The following GNB1L variants were observed in gnomAD, a reference collection of about 807,000 sequenced individuals.
GNB1L encodes guanine nucleotide-binding protein subunit beta-like protein 1.
A neutral mutation model predicts 29.1 loss-of-function variants in GNB1L; 20 were observed. That is an observed-to-expected ratio of 0.69 (90% CI 0.48 to 1.00). GNB1L has a LOEUF of 1.00. Among genes scored for constraint, GNB1L ranks in the 50% least tolerant of loss-of-function variants. The pLI is 0.00. For synonymous variants in GNB1L, 193 were observed against 206.5 expected, an observed-to-expected ratio of 0.93 and a Z score of 0.56; for missense variants, 421 against 464.9, an observed-to-expected ratio of 0.91 and a Z score of 0.87.
chr22:19,821,750 T>C (rs112317812), intron 2 of GNB1L, among the ~76,000 whole-genome samples: 14 of 152,292 alleles, frequency 9.2e-5, no homozygotes, highest in African/African-American at 3.4e-4. Flanking sequence ...ATCCAACACT[T>C]CCTCGGCCAC....
intron 4 of GNB1L, 97 bp downstream of exon 4, chr22:19,820,501 C>T (rs1274021117): frequency 2.2e-5 from 29 of 1,335,856 alleles, no homozygotes; most frequent in Non-Finnish European, 2.7e-5. Context: ...GTTCCCCCAC[C>T]CCATTCTGCC....
intron 4 of GNB1L, among the ~76,000 whole-genome samples, chr22:19,819,846 C>G (rs991216206): frequency 2.0e-4 from 30 of 152,134 alleles, no homozygotes; most frequent in African/African-American, 7.0e-4. Flanking sequence ...GGGGAGATGG[C>G]CCTCACTACC....
chr22:19,842,213 T>C (rs1184626425), intron 2 of GNB1L, among the ~76,000 whole-genome samples: 2 of 152,104 alleles, frequency 1.3e-5, no homozygotes, highest in Admixed American at 1.3e-4. Flanking sequence ...GCGACCCTGA[T>C]CTCCCAAAAA....
In GNB1L at chr22:19,790,501, G is replaced by T. The variant is rs533949857; in HGVS notation, c.733-1541C>A. Among the ~76,000 whole-genome samples the T allele has an allele frequency of 1.7e-4, 26 of 152,148 alleles. No homozygotes were observed. In the South Asian group the frequency reaches 5.4e-3, roughly 32 times the overall value. On this transcript the variant is annotated intron_variant, in intron 7 of 7. Transcript: ENST00000329517. ...ATGTTTCCTTGTATAGCTGCATAAA[G>T]TAAAAAAAAGATCTAAATATACTCA...
chr22:19,827,408 G>A, intron 2 of GNB1L, among the ~76,000 whole-genome samples: 1 of 152,118 alleles, frequency 6.6e-6, no homozygotes, highest in Non-Finnish European at 1.5e-5. Flanking sequence ...CTTTTCTGTA[G>A]ATTTAAAACC....
At chr22:19,836,192 T>C (rs2145893072) in intron 2 of GNB1L, among the ~76,000 whole-genome samples, 1 of 152,104 alleles carries the variant, frequency 6.6e-6, no homozygotes, top group Middle Eastern at 3.4e-3. Context: ...AGAGACAAAT[T>C]ATAATAATTA....
chr22:19,801,888 A>C, intron 7 of GNB1L, 113 bp downstream of exon 7: 1 of 925,706 alleles, frequency 1.1e-6, no homozygotes. Context: ...CCTCCAAGTG[A>C]TTAATTAGCC....
intron 5 of GNB1L, among the ~76,000 whole-genome samples, chr22:19,807,591 G>A (rs778350260): frequency 6.6e-6 from 1 of 152,216 alleles, no homozygotes; most frequent in Non-Finnish European, 1.5e-5. Flanking sequence ...CACTTGGAAT[G>A]AGCTACCGAT....
intron 2 of GNB1L, among the ~76,000 whole-genome samples, chr22:19,823,958 C>A (rs141585357): frequency 6.6e-6 from 1 of 152,350 alleles, no homozygotes; most frequent in Non-Finnish European, 1.5e-5. Flanking sequence ...GCGGTGCCAG[C>A]CGAAGCCCGG....
At chr22:19,814,914 C>T (rs1937519028) in intron 4 of GNB1L, among the ~76,000 whole-genome samples, 2 of 151,982 alleles carry the variant, frequency 1.3e-5, no homozygotes, top group Admixed American at 6.6e-5. Context: ...CGTGCACCTG[C>T]AGTTCCAGCT....
rs755525931 is a variant in GNB1L at position 19,821,393 on chromosome 22, GC to G, written c.-20-19del. ...GCAGTTACCTGGGCACCAAGGGAGG[GC>G]GTGTGAGTGACTGCGTCCCTATTCT... On this transcript the variant is annotated intron_variant, in intron 2 of 7. Coordinates refer to ENST00000329517, the MANE Select transcript of GNB1L (RefSeq NM_053004.3). The G allele has an allele frequency of 2.5e-6, 4 of 1,605,838 alleles. No individual in the cohort carries two copies. The highest frequency in any genetic ancestry group is 3.4e-6 in the Non-Finnish European group (4 of 1,177,560).
At chr22:19,846,928 C>G (rs1372590344) in intron 2 of GNB1L, 24 of 985,294 alleles carry the variant, frequency 2.4e-5, no homozygotes, top group Non-Finnish European at 2.5e-5. Context: ...AGGTATGTTG[C>G]CCTGGGATGG....
At chr22:19,836,746 G>A (rs1330951506) in intron 2 of GNB1L, among the ~76,000 whole-genome samples, 3 of 152,016 alleles carry the variant, frequency 2.0e-5, no homozygotes, top group Non-Finnish European at 4.4e-5. Context: ...TTTATCTCAG[G>A]AATGCAAAGC....
chr22:19,796,173 G>A (rs1407834497), intron 7 of GNB1L, among the ~76,000 whole-genome samples: 1 of 152,200 alleles, frequency 6.6e-6, no homozygotes, highest in Non-Finnish European at 1.5e-5. Flanking sequence ...GAGATGATGA[G>A]GGGGAATGAA....
intron 7 of GNB1L, among the ~76,000 whole-genome samples, chr22:19,794,374 A>G (rs1937283554): frequency 6.6e-6 from 1 of 152,220 alleles, no homozygotes; most frequent in East Asian, 1.9e-4. Context: ...CAAGGTCATC[A>G]TGTTTGTGAG....
At chr22:19,801,958 G>C (rs893165025) in intron 7 of GNB1L, 43 bp downstream of exon 7, 1 of 1,436,440 alleles carries the variant, frequency 7.0e-7, no homozygotes, top group Admixed American at 2.0e-5. Context: ...CAGACTGTTA[G>C]TGCAGAGCAG....
chr22:19,826,892 C>T (rs1178896920), intron 2 of GNB1L, among the ~76,000 whole-genome samples: 1 of 152,154 alleles, frequency 6.6e-6, no homozygotes, highest in Non-Finnish European at 1.5e-5. Context: ...ATCCAGGTTA[C>T]GAGACACTGG....
chr22:19,821,283 C>T lies in GNB1L; in HGVS notation c.73G>A (p.Ala25Thr). ...TGGGCTCCTTCGCAGAAGTGCAGCG[C>T]ATGCACCGGTGACTGGGTGCCTCGG... ...VLRGTQSPVH[A>T]LHFCEGAQAQ... The change falls in exon 3 of 8, where the codon GCG becomes ACG. Residue 25 changes from alanine to threonine, a missense_variant. Ala to Thr is a moderately conservative substitution (Grantham distance 58, BLOSUM62 0). Transcript: ENST00000329517. 2 of 1,613,524 alleles carry T rather than the reference C, an allele frequency of 1.2e-6. No homozygotes were observed. The highest frequency in any genetic ancestry group is 2.7e-5 in the African/African-American group (2 of 75,068).
intron 4 of GNB1L, among the ~76,000 whole-genome samples, chr22:19,817,517 G>A (rs189469854): frequency 2.6e-4 from 39 of 152,252 alleles, no homozygotes; most frequent in Non-Finnish European, 4.1e-4. Flanking sequence ...AGAAAACAGC[G>A]ACAGCTGACT....
Sources: allele counts gnomAD v4.1 joint callset (sites outside exome capture counted in the v4.1 genomes callset), GRCh38; gene constraint gnomAD v4.1.1; transcripts MANE v1.5; gene names NCBI Gene and HGNC (gene_info 2026-07-23, HGNC 2026-07-21).